The following LTK variants were observed in gnomAD, a reference collection of about 807,000 sequenced individuals.
LTK encodes leukocyte tyrosine kinase receptor.
In LTK, 117 loss-of-function variants were observed where a neutral mutation model predicts 101.5. The ratio of observed to expected loss-of-function variants is 1.15; its 90% CI spans 0.99 to 1.34. The LOEUF is 1.34. Among genes scored for constraint, LTK ranks in the 40% most tolerant of loss-of-function variants. The pLI is 0.00. For synonymous variants in LTK, 563 were observed against 494.2 expected, an observed-to-expected ratio of 1.14 and a Z score of -1.85; for missense variants, 1,252 against 1,164.7, an observed-to-expected ratio of 1.07 and a Z score of -1.09.
At position 41,503,999 on chromosome 15, in the gene LTK, G is replaced by A; in HGVS notation, c.2592C>T (p.Ser864=). The A allele has an allele frequency of 6.2e-7, 1 of 1,600,806 alleles. No individual in the cohort carries two copies. The highest frequency in any genetic ancestry group is 8.5e-7 in the Non-Finnish European group (1 of 1,173,756). ...PQNLWNPTYR[S] is the part of the protein sequence containing the mutation. ...TACCCTCAGGGCCCCTTGGGGCTCA[G>A]GAGCGATAAGTGGGATTCCAAAGGT... Residue 864 remains serine (S), a synonymous_variant, in exon 20 of 20, where the codon TCC becomes TCT. Transcript: ENST00000263800.
rs779021709 is a variant in LTK at position 41,512,842 on chromosome 15, G to A, written c.224C>T (p.Ala75Val). 2.5e-6 allele frequency: 4 copies of A among 1,612,320 alleles called. No homozygotes were observed. In the South Asian group the frequency reaches 4.4e-5, roughly 18 times the overall value. The change falls in exon 3 of 20, where the codon GCC (alanine) becomes GTC (valine). Residue 75 changes from alanine to valine, a missense_variant. By Grantham distance (64) the Ala-to-Val change is moderately conservative (BLOSUM62 0). Coordinates refer to ENST00000263800, the MANE Select transcript of LTK (RefSeq NM_002344.6). Reference protein sequence around the residue: ...EGSWLFSTCGASGRHGPTQTQ... With the variant: ...EGSWLFSTCGVSGRHGPTQTQ... ...CTGTGTGGGCCCATGCCGGCCGCTG[G>A]CCCCGCAGGTAGAAAACAGCCAAGA...
rs765684638 is a variant in LTK, at chr15:41,507,200, G to C, written c.1436C>G (p.Thr479Arg). Residue 479 changes from threonine to arginine, a missense_variant, in exon 11 of 20, where the codon ACA (threonine) becomes AGA (arginine). Coordinates refer to ENST00000263800, the MANE Select transcript of LTK (RefSeq NM_002344.6). Reference sequence around the variant, plus strand: ...CTGGCAATAATAGGGATTGGGGGCTGTCCTGATGGCAGAGGTTCGAAGCTT... The same window carrying C: ...CTGGCAATAATAGGGATTGGGGGCTCTCCTGATGGCAGAGGTTCGAAGCTT... ...LSKLRTSAIR[T>R]APNPYYCQVG... 6.2e-7 allele frequency: 1 copy of C among 1,613,862 alleles called. No individual in the cohort carries two copies. Among genetic ancestry groups the C allele is most frequent in the Non-Finnish European group, 8.5e-7 (1 of 1,179,946 alleles).
rs750277046 is a variant in LTK, at chr15:41,513,115, T to C, written c.49A>G (p.Ile17Val). Residue 17 changes from isoleucine (I) to valine (V), a missense_variant, in exon 2 of 20, where the codon ATT becomes GTT. Coordinates refer to ENST00000263800, the MANE Select transcript of LTK (RefSeq NM_002344.6). ...TGGGACCCCGGGCTAGAGCAGAGAA[T>C]GGCGCCTGAAAGGTGTTGGGAGAAG... ...LLVWFGAAGA[I>V]LCSSPGSQET... 6.9e-6 allele frequency: 11 copies of C among 1,600,138 alleles called. No individual in the cohort carries two copies. The Admixed American group carries it at 1.1e-4, about 15-fold the overall frequency.
At chr15:41,506,660 G>A (rs772700353) in intron 11 of LTK, among the ~76,000 whole-genome samples, 13 of 151,786 alleles carry the variant, frequency 8.6e-5, no homozygotes, top group Non-Finnish European at 1.5e-4. Flanking sequence ...GCGCAATCTC[G>A]GCTCACCACA....
chr15:41,505,246 C>T lies in LTK; in HGVS notation c.1887G>A (p.Gln629=). The part of the protein sequence containing the change: ...DLLQLAQDIA[Q]GCHYLEENHF... Reference sequence around the variant, plus strand: ...GATTTTCCTCCAGGTAGTGGCAGCCCTGGGCTATGTCCTGGGCCAGTTGCA... The same window carrying T: ...GATTTTCCTCCAGGTAGTGGCAGCCTTGGGCTATGTCCTGGGCCAGTTGCA... The change falls in exon 15 of 20, where the codon CAG becomes CAA. Residue 629 remains glutamine, a synonymous_variant. Transcript: ENST00000263800. 6.2e-7 allele frequency: 1 copy of T among 1,614,066 alleles called. No homozygotes were observed. Among genetic ancestry groups the T allele is most frequent in the Non-Finnish European group, 8.5e-7 (1 of 1,180,004 alleles).
chr15:41,505,197 C>G lies in LTK; in HGVS notation c.1925+11G>C, dbSNP rs2051226343. 6.2e-7 allele frequency: 1 copy of G among 1,613,030 alleles called. No individual in the cohort carries two copies. Among genetic ancestry groups the G allele is most frequent in the Admixed American group, 1.7e-5 (1 of 59,928 alleles). ...GGGATGGGGGTCCCCTGAGCCAGGACTGCTCCTAACCTGTGGATGAAGTGA... is the reference window on the plus strand; with the variant it reads ...GGGATGGGGGTCCCCTGAGCCAGGAGTGCTCCTAACCTGTGGATGAAGTGA... On this transcript the variant is annotated intron_variant, in intron 15 of 19. Coordinates refer to ENST00000263800, the MANE Select transcript of LTK (RefSeq NM_002344.6).
chr15:41,509,655 C>T (rs1333012387), intron 7 of LTK, among the ~76,000 whole-genome samples: 1 of 151,970 alleles, frequency 6.6e-6, no homozygotes, highest in African/African-American at 2.4e-5. Flanking sequence ...GGTCAGGAGT[C>T]CGAGACTAGC....
Position 41,511,693 on chromosome 15 carries a change from C to CCCAGG in LTK, c.657+119_658-116dup. 7.2e-7 allele frequency: 1 copy of CCCAGG among 1,397,090 alleles called. No homozygotes were observed. The highest frequency in any genetic ancestry group is 9.3e-7 in the Non-Finnish European group (1 of 1,076,396). 86.5% of individuals were successfully genotyped at this position (1,397,090 alleles called of 1,614,324 possible). On this transcript the variant is annotated intron_variant, in intron 5 of 19. Coordinates refer to ENST00000263800, the MANE Select transcript of LTK (RefSeq NM_002344.6). The surrounding 1 kb of genome is among the most constrained non-coding windows in gnomAD (Gnocchi z 5.9). ...ATAAGGGCAGGGGCCCCCAGCCCAG[C>CCCAGG]CCAGGCCAGCCCAGCCCAGCGCAGG...
Position 41,511,273 on chromosome 15 carries a change from G to C in LTK, c.888C>G (p.Gly296=). 1 of 1,417,056 alleles carries C rather than the reference G, an allele frequency of 7.1e-7. No individual in the cohort carries two copies. Among genetic ancestry groups the C allele is most frequent in the Non-Finnish European group, 9.2e-7 (1 of 1,089,956 alleles). The allele number at this position is 1,417,056 out of a possible 1,614,324, so 87.8% of individuals were successfully genotyped here. A position where few individuals can be genotyped will look rare whatever the true frequency, so the allele number is the denominator to read the frequency against. The change falls in exon 7 of 20, where the codon GGC becomes GGG. Residue 296 remains glycine (G), a synonymous_variant. Transcript: ENST00000263800. The surrounding 1 kb of genome is among the most constrained non-coding windows in gnomAD (Gnocchi z 5.9). ...CCCAAGCCTCGGAGCAGCCCTGGCC[G>C]CCCTCCGCCCCCTCCTGCAGTGAGC... The part of the protein sequence containing the change: ...AGRSLQEGAE[G]GQGCSEAWAT...
In LTK at chr15:41,505,929, G is replaced by T; in HGVS notation, c.1618C>A (p.Gln540Lys). ...ACTCCTCTCACCTTGATAGCTACCT[G>T]CAGGGGACTGGAGTCCCCAGGAAGG... is the stretch of plus-strand genomic sequence containing the variant. ...IGLPGDSSPL[Q>K]VAIKTLPELC... Residue 540 changes from glutamine (Q) to lysine (K), a missense_variant, in exon 12 of 20, where the codon CAG (glutamine) becomes AAG (lysine). By Grantham distance (53) the Gln-to-Lys change is moderately conservative. Transcript: ENST00000263800. 6.2e-7 allele frequency: 1 copy of T among 1,613,274 alleles called. No individual in the cohort carries two copies. Among genetic ancestry groups the T allele is most frequent in the Non-Finnish European group, 8.5e-7 (1 of 1,179,288 alleles).
intron 12 of LTK, 37 bp downstream of exon 12, chr15:41,505,878 C>T (rs1159715332): frequency 1.2e-6 from 2 of 1,602,726 alleles, no homozygotes; most frequent in South Asian, 1.1e-5. Flanking sequence ...GGGTGTTCCG[C>T]TCTCCTACCC....
rs1595468800 is a variant in LTK at position 41,511,394 on chromosome 15, C to T, written c.814+28G>A. 7 of 1,372,308 alleles carry T rather than the reference C, an allele frequency of 5.1e-6. No individual in the cohort carries two copies. In the South Asian group the frequency reaches 8.6e-5, roughly 17 times the overall value. 85.0% of individuals were successfully genotyped at this position (1,372,308 alleles called of 1,614,324 possible). ...TTGGCAGCCACACGGGGAGCACGCCCGCCTCTCCCCGCGGCCCGCGCCCTC... is the reference window on the plus strand; with the variant it reads ...TTGGCAGCCACACGGGGAGCACGCCTGCCTCTCCCCGCGGCCCGCGCCCTC... On this transcript the variant is annotated intron_variant, in intron 6 of 19. Transcript: ENST00000263800. This position sits in a 1 kb window ranked among gnomAD's most constrained non-coding sequence, Gnocchi z 5.9.
Position 41,511,355 on chromosome 15 carries a change from C to A in LTK, c.815-9G>T, listed in dbSNP as rs1265406581. On this transcript the variant is annotated splice_polypyrimidine_tract_variant and intron_variant, in intron 6 of 19. Transcript: ENST00000263800. The surrounding 1 kb of genome is among the most constrained non-coding windows in gnomAD (Gnocchi z 5.9). The stretch of plus-strand genomic sequence containing the variant: ...CCAGCCGCCCCCACCACCTGCAGAG[C>A]GACAGCAGGAAGGTTGGCAGCCACA... 30 of 1,358,576 alleles carry A rather than the reference C, an allele frequency of 2.2e-5. No individual in the cohort carries two copies. Among genetic ancestry groups the A allele is most frequent in the Non-Finnish European group, 2.5e-5 (27 of 1,063,290 alleles). The allele number at this position is 1,358,576 out of a possible 1,614,324, so 84.2% of individuals were successfully genotyped here.
At position 41,504,128 on chromosome 15, in the gene LTK, C is replaced by T. The variant is rs758410247; in HGVS notation, c.2463G>A (p.Gln821=). The stretch of plus-strand genomic sequence containing the variant: ...TTTTCAACTTCTCTGGACTCAGTTC[C>T]TGGGGCTGTGGGGGTCTTAGGCACT... The part of the protein sequence containing the change: ...SLECLRPPQP[Q]ELSPEKLKSW... Residue 821 remains glutamine (Q), a synonymous_variant, in exon 20 of 20, where the codon CAG becomes CAA. Coordinates refer to ENST00000263800, the MANE Select transcript of LTK (RefSeq NM_002344.6). 1.5e-5 allele frequency: 25 copies of T among 1,614,130 alleles called. No homozygotes were observed. Among genetic ancestry groups the T allele is most frequent in the Non-Finnish European group, 2.0e-5 (24 of 1,180,016 alleles).
Position 41,511,835 on chromosome 15 carries a change from G to GCCCC in LTK, c.635_638dup (p.Ala214GlyfsTer128). On this transcript the variant is annotated frameshift_variant, in exon 5 of 20. Coordinates refer to ENST00000263800, the MANE Select transcript of LTK (RefSeq NM_002344.6). LOFTEE classifies it high-confidence loss of function. The surrounding 1 kb of genome is among the most constrained non-coding windows in gnomAD (Gnocchi z 5.9). ...CACGTACCCGGAAAACGTAGGTGGC[G>GCCCC]CCCCCGCCACCCCCGCCACCTCCCG... The GCCCC allele has an allele frequency of 1.1e-4, 161 of 1,477,186 alleles. No individual in the cohort carries two copies. Among genetic ancestry groups the GCCCC allele is most frequent in the Non-Finnish European group, 1.3e-4 (144 of 1,122,274 alleles). 91.5% of individuals were successfully genotyped at this position (1,477,186 alleles called of 1,614,324 possible). A position where few individuals can be genotyped will look rare whatever the true frequency, so the allele number is the denominator to read the frequency against.
At position 41,504,880 on chromosome 15, in the gene LTK, G is replaced by A. The variant is rs376599996; in HGVS notation, c.2019-6C>T. 6.2e-7 allele frequency: 1 copy of A among 1,610,412 alleles called. No individual in the cohort carries two copies. The highest frequency in any genetic ancestry group is 8.5e-7 in the Non-Finnish European group (1 of 1,178,340). On this transcript the variant is annotated splice_region_variant and splice_polypyrimidine_tract_variant and intron_variant, in intron 16 of 19. Coordinates refer to ENST00000263800, the MANE Select transcript of LTK (RefSeq NM_002344.6). Reference sequence around the variant, plus strand: ...CCCTGCGGTAATAACTGGCCCTACAGGAGGGAGGAGGTGAATGATGAGTTG... The same window carrying A: ...CCCTGCGGTAATAACTGGCCCTACAAGAGGGAGGAGGTGAATGATGAGTTG...
At chr15:41,506,195 C>CA (rs1430135656) in intron 11 of LTK, among the ~76,000 whole-genome samples, 190 bp from the exon 12 acceptor site, 4 of 152,174 alleles carry the variant, frequency 2.6e-5, no homozygotes, top group African/African-American at 9.7e-5. Context: ...AGAGCCAGGG[C>CA]AAAAAAGAGG....
chr15:41,504,711 AG>A, intron 17 of LTK, 61 bp downstream of exon 17: 1 of 1,602,026 alleles, frequency 6.2e-7, no homozygotes. Context: ...GTGGCTGGAA[AG>A]GACAGGATTA....
rs775869248 is a variant in LTK at position 41,511,943 on chromosome 15, G to T, written c.531C>A (p.Leu177=). 6.7e-7 allele frequency: 1 copy of T among 1,491,470 alleles called. No homozygotes were observed. The highest frequency in any genetic ancestry group is 8.8e-7 in the Non-Finnish European group (1 of 1,134,976). 92.4% of individuals were successfully genotyped at this position (1,491,470 alleles called of 1,614,324 possible). The change falls in exon 5 of 20, where the codon CTC becomes CTA. Residue 177 remains leucine (L), a synonymous_variant. Coordinates refer to ENST00000263800, the MANE Select transcript of LTK (RefSeq NM_002344.6). This position sits in a 1 kb window ranked among gnomAD's most constrained non-coding sequence, Gnocchi z 5.9. ...ACPGGSPESQ[L]VCLGESRAVE... ...CGGCTCGAGACTCCCCGAGGCAGAC[G>T]AGCTGGCTCTCCGGGCTACCCTGCG...
Sources: gnomAD v4.1 joint callset for allele counts (sites outside exome capture counted in the v4.1 genomes callset) on GRCh38, gnomAD v4.1.1 for gene constraint, Gnocchi (gnomAD v3.1) non-coding constraint, MANE v1.5 for transcripts, NCBI Gene and HGNC (gene_info 2026-07-23, HGNC 2026-07-21) for gene names.